Variants in FREM3 observed in about 807,000 individuals in gnomAD.
The protein encoded by FREM3 is FRAS1 related extracellular matrix 3.
Under a neutral mutation model 129.1 loss-of-function variants are expected in FREM3, and 105 were observed. The ratio of observed to expected loss-of-function variants is 0.81; its 90% CI spans 0.69 to 0.96. The LOEUF is 0.96. Ranked by LOEUF, FREM3 falls within the 40% of genes least tolerant of loss-of-function variation. The pLI is 0.00. For missense variants in FREM3, 2,593 were observed against 2,666.3 expected (o/e 0.97, Z 0.61); for synonymous variants, 1,014 against 1,044.9 (o/e 0.97, Z 0.57).
chr4:143,664,930 A>G (rs1222902215), intron 2 of FREM3, among the ~76,000 whole-genome samples: 1 of 152,170 alleles, frequency 6.6e-6, no homozygotes, highest in Non-Finnish European at 1.5e-5. Flanking sequence ...CCGTTTTTTA[A>G]GCCCGTCGGA....
chr4:143,641,176 G>T (rs1461447132), intron 2 of FREM3, among the ~76,000 whole-genome samples: 1 of 151,940 alleles, frequency 6.6e-6, no homozygotes, highest in East Asian at 1.9e-4. Flanking sequence ...ATTTTTCTAA[G>T]AATACAAAGA....
intron 7 of FREM3, among the ~76,000 whole-genome samples, chr4:143,578,437 TAAATA>T (rs1738078012): frequency 6.6e-6 from 1 of 152,152 alleles, no homozygotes; most frequent in Non-Finnish European, 1.5e-5. Context: ...TCAATGGAAT[TAAATA>T]GAAACCCCTG....
chr4:143,670,748 C>A (rs1166931433), intron 2 of FREM3, among the ~76,000 whole-genome samples: 1 of 151,984 alleles, frequency 6.6e-6, no homozygotes, highest in African/African-American at 2.4e-5. Context: ...ATTTCTTTTT[C>A]TTTCCAAAAT....
intron 5 of FREM3, among the ~76,000 whole-genome samples, chr4:143,615,404 A>G (rs567731076): frequency 2.6e-5 from 4 of 152,214 alleles, no homozygotes; most frequent in Non-Finnish European, 4.4e-5. Flanking sequence ...TGCAGCAGCT[A>G]ACACCTCATT....
At position 143,687,209 on chromosome 4, in the gene FREM3, G is replaced by A. The variant is rs189637641; in HGVS notation, c.5275+5904C>T. ...GAAATACAAAAGAGCATTCAAGGCTGCTACGAACACCTTTACTCACGTAAC... is the reference window on the plus strand; with the variant it reads ...GAAATACAAAAGAGCATTCAAGGCTACTACGAACACCTTTACTCACGTAAC... On this transcript the variant is annotated intron_variant, in intron 2 of 7. Transcript: ENST00000329798. Among the ~76,000 whole-genome samples the A allele has an allele frequency of 2.3e-3, 345 of 152,204 alleles. 3 individuals carry two copies. The highest frequency in any genetic ancestry group is 7.8e-3 in the African/African-American group (326 of 41,556).
intron 2 of FREM3, among the ~76,000 whole-genome samples, chr4:143,686,770 C>T (rs1248507969): frequency 2.6e-5 from 4 of 152,120 alleles, no homozygotes; most frequent in African/African-American, 4.8e-5. Context: ...AAAAATTCTT[C>T]GAACCGAACG....
intron 7 of FREM3, among the ~76,000 whole-genome samples, chr4:143,578,612 T>A (rs1298951602): frequency 6.6e-6 from 1 of 152,150 alleles, no homozygotes; most frequent in Non-Finnish European, 1.5e-5. Context: ...CCACCAGTAA[T>A]GGGATAAATG....
chr4:143,650,653 G>A (rs1016345469), intron 2 of FREM3, among the ~76,000 whole-genome samples: 4 of 152,138 alleles, frequency 2.6e-5, no homozygotes, highest in African/African-American at 9.7e-5. Flanking sequence ...AACATGCCCA[G>A]CCAATTTTTA....
chr4:143,668,674 T>C (rs1180265807), intron 2 of FREM3, among the ~76,000 whole-genome samples: 1 of 152,260 alleles, frequency 6.6e-6, no homozygotes, highest in Admixed American at 6.5e-5. Flanking sequence ...CATGTTTTAC[T>C]ATATGGTCTT....
intron 7 of FREM3, among the ~76,000 whole-genome samples, chr4:143,584,935 T>C (rs562412375): frequency 1.6e-4 from 24 of 152,300 alleles, no homozygotes; most frequent in African/African-American, 5.5e-4. Flanking sequence ...CACTCTCAGA[T>C]TATATAACAA....
At chr4:143,623,208 A>C (rs991585228) in intron 4 of FREM3, among the ~76,000 whole-genome samples, 4 of 152,330 alleles carry the variant, frequency 2.6e-5, no homozygotes, top group South Asian at 2.1e-4. Flanking sequence ...CAGAATCTTT[A>C]ATATGCTAAC....
Position 143,696,143 on chromosome 4 carries a change from G to T in FREM3, c.4533C>A (p.Phe1511Leu). ...AGAGTTCGCCGATCACTTGAAATTC[G>T]AAGCTGTCCATCTTTTTCTCATCAT... ...TSNDEKKMDSFEFQVIGELYP... is the reference protein window; with the variant it reads ...TSNDEKKMDSLEFQVIGELYP... Residue 1511 changes from phenylalanine to leucine, a missense_variant, in exon 1 of 8, where the codon TTC becomes TTA. Physicochemically the swap from Phe to Leu is conservative, Grantham distance 22. Around this residue, in one of 2 missense-constraint regions of FREM3, gnomAD observed 2,276 missense variants for 2,267.2 expected, o/e 1.00. Transcript: ENST00000329798. 6.5e-7 allele frequency: 1 copy of T among 1,537,566 alleles called. No individual in the cohort carries two copies. Among genetic ancestry groups the T allele is most frequent in the South Asian group, 1.2e-5 (1 of 84,052 alleles).
chr4:143,695,278 T>C (rs150617918), intron 1 of FREM3, among the ~76,000 whole-genome samples: 3 of 152,358 alleles, frequency 2.0e-5, no homozygotes, highest in East Asian at 3.9e-4. Context: ...ATGAAATATC[T>C]GTGAGTTTCT....
At chr4:143,653,451 T>G (rs970707830) in intron 2 of FREM3, among the ~76,000 whole-genome samples, 1 of 152,222 alleles carries the variant, frequency 6.6e-6, no homozygotes, top group Non-Finnish European at 1.5e-5. Context: ...GTAGTTCACA[T>G]CATGGCTGTT....
intron 6 of FREM3, among the ~76,000 whole-genome samples, chr4:143,597,926 C>T (rs955947877): frequency 2.6e-5 from 4 of 152,210 alleles, no homozygotes; most frequent in African/African-American, 7.2e-5. Flanking sequence ...ATCAAAGCAT[C>T]GGCAGATGCA....
chr4:143,603,795 A>C (rs1230473062), intron 6 of FREM3, among the ~76,000 whole-genome samples: 1 of 152,054 alleles, frequency 6.6e-6, no homozygotes, highest in Admixed American at 6.6e-5. Flanking sequence ...CTCTAGACTA[A>C]CTCATGCCGA....
chr4:143,621,242 C>T, intron 4 of FREM3, 80 bp from the exon 5 acceptor site: 1 of 1,318,732 alleles, frequency 7.6e-7, no homozygotes, highest in South Asian at 1.4e-5. Flanking sequence ...CAGAAATGTA[C>T]AAAGCCTTTG....
At chr4:143,643,945 C>A (rs1040484109) in intron 2 of FREM3, among the ~76,000 whole-genome samples, 8 of 152,070 alleles carry the variant, frequency 5.3e-5, no homozygotes, top group Non-Finnish European at 8.8e-5. Context: ...TGTACAAGTA[C>A]AGCATATCAA....
chr4:143,672,955 G>A (rs925165675), intron 2 of FREM3, among the ~76,000 whole-genome samples: 2 of 152,146 alleles, frequency 1.3e-5, no homozygotes, highest in African/African-American at 4.8e-5. Flanking sequence ...GGTCCTTTAA[G>A]GACTTCTCTG....
Sources: allele counts gnomAD v4.1 joint callset (sites outside exome capture counted in the v4.1 genomes callset), GRCh38; gene constraint gnomAD v4.1.1; regional missense constraint gnomAD v4.1.1; transcripts MANE v1.5; gene names NCBI Gene and HGNC (gene_info 2026-07-23, HGNC 2026-07-21).